The following GALNT14 variants were observed in gnomAD, a reference collection of about 807,000 sequenced individuals.
GALNT14 encodes UDP-GalNAc:polypeptide N-acetylgalactosaminyltransferase 14.
Under a neutral mutation model 77.5 loss-of-function variants are expected in GALNT14, and 60 were observed. That is an observed-to-expected ratio of 0.77 (90% confidence interval 0.63 to 0.96). GALNT14 has a LOEUF of 0.96. Ranked by LOEUF, GALNT14 falls within the 40% of genes least tolerant of loss-of-function variation. GALNT14 has a pLI of 0.00. For missense variants in GALNT14, 710 were observed against 731.0 expected, an observed-to-expected ratio of 0.97 and a Z score of 0.33; for synonymous variants, 280 against 281.7, an observed-to-expected ratio of 0.99 and a Z score of 0.06.
intron 1 of GALNT14, chr2:31,079,081 T>C: frequency 1.6e-6 from 2 of 1,238,582 alleles, no homozygotes; most frequent in Non-Finnish European, 2.1e-6. Context: ...AAAACATAAA[T>C]ACATGAAAAT....
intron 1 of GALNT14, among the ~76,000 whole-genome samples, chr2:31,027,437 A>AAG (rs1672137180): frequency 6.6e-6 from 1 of 152,028 alleles, no homozygotes. Flanking sequence ...CAAAAAAAAA[A>AAG]AAAAAAACAG....
At chr2:31,031,783 G>C (rs1672431100) in intron 1 of GALNT14, among the ~76,000 whole-genome samples, 1 of 152,126 alleles carries the variant, frequency 6.6e-6, no homozygotes, top group Non-Finnish European at 1.5e-5. Flanking sequence ...GCAGGATCTT[G>C]GCTACACATT....
At chr2:31,004,027 C>T (rs1268516798) in intron 1 of GALNT14, among the ~76,000 whole-genome samples, 2 of 152,222 alleles carry the variant, frequency 1.3e-5, no homozygotes, top group Non-Finnish European at 2.9e-5. Context: ...TCCCTTATGT[C>T]GATGGGCATC....
At chr2:31,076,003 G>A (rs1675756433) in intron 1 of GALNT14, among the ~76,000 whole-genome samples, 1 of 152,198 alleles carries the variant, frequency 6.6e-6, no homozygotes, top group African/African-American at 2.4e-5. Flanking sequence ...AACACTTCTA[G>A]ACTGAATGAA....
chr2:30,891,770 G>A, the GALNT14 span, among the ~76,000 whole-genome samples: 2 of 152,116 alleles, frequency 1.3e-5, no homozygotes, highest in African/African-American at 4.8e-5. Flanking sequence ...TATGAGAGAA[G>A]TCTCAGCCTC....
intron 2 of GALNT14, among the ~76,000 whole-genome samples, chr2:30,986,207 A>G (rs1669288691): frequency 6.6e-6 from 1 of 152,150 alleles, no homozygotes; most frequent in African/African-American, 2.4e-5. Context: ...GAATATGTGG[A>G]AGAAAACACA....
chr2:30,991,223 T>C (rs1031615935), intron 2 of GALNT14: 1 of 152,040 alleles, frequency 6.6e-6, no homozygotes, highest in Non-Finnish European at 1.5e-5. Flanking sequence ...CGCCAGCAAC[T>C]TTCCTGGCTA....
At chr2:31,076,264 T>C (rs1675778747) in intron 1 of GALNT14, among the ~76,000 whole-genome samples, 1 of 152,322 alleles carries the variant, frequency 6.6e-6, no homozygotes, top group South Asian at 2.1e-4. Flanking sequence ...TCAAGGTCTA[T>C]TCTATGACTC....
intron 3 of GALNT14, among the ~76,000 whole-genome samples, chr2:30,960,368 G>C (rs567284455): frequency 2.4e-4 from 36 of 152,308 alleles, no homozygotes; most frequent in Admixed American, 9.8e-4. Flanking sequence ...ATCCCTGCCA[G>C]CTCTTTGAAA....
intron 13 of GALNT14, among the ~76,000 whole-genome samples, chr2:30,919,114 G>C (rs888679534): frequency 6.6e-6 from 1 of 152,120 alleles, no homozygotes; most frequent in Admixed American, 6.5e-5. Flanking sequence ...CTTTAAATTG[G>C]GATGGAAACT....
chr2:31,057,293 T>G, intron 1 of GALNT14, among the ~76,000 whole-genome samples: 1 of 128,972 alleles, frequency 7.8e-6, no homozygotes, highest in South Asian at 2.6e-4. Flanking sequence ...AAAGTTGAAA[T>G]TATATATATA....
chr2:30,896,203 T>C, the GALNT14 span, among the ~76,000 whole-genome samples: 1 of 152,228 alleles, frequency 6.6e-6, no homozygotes, highest in Non-Finnish European at 1.5e-5. Context: ...TGACCCATGA[T>C]GAATGACTCT....
chr2:31,118,654 G>C (rs1678235511), intron 1 of GALNT14, among the ~76,000 whole-genome samples: 2 of 152,098 alleles, frequency 1.3e-5, no homozygotes, highest in Non-Finnish European at 2.9e-5. Context: ...AATCAAGAGA[G>C]TCCTTATACT....
intron 1 of GALNT14, among the ~76,000 whole-genome samples, chr2:31,023,986 T>A (rs900094563): frequency 6.6e-6 from 1 of 152,094 alleles, no homozygotes. Context: ...CTAAAATATA[T>A]CCTGAGTGTG....
chr2:30,903,735 T>C, the GALNT14 span, among the ~76,000 whole-genome samples: 1 of 152,236 alleles, frequency 6.6e-6, no homozygotes, highest in Non-Finnish European at 1.5e-5. Flanking sequence ...AAAAGCCATA[T>C]GGGAATAGAT....
chr2:31,035,585 GTATACA>G (rs1349562722), intron 1 of GALNT14, among the ~76,000 whole-genome samples: 25 of 134,820 alleles, frequency 1.9e-4, no homozygotes, highest in East Asian at 7.0e-4. Context: ...GTGTGTGTGT[GTATACA>G]TATACATATA....
intron 6 of GALNT14, among the ~76,000 whole-genome samples, chr2:30,951,053 A>AT (rs1270090519): frequency 1.3e-5 from 2 of 152,216 alleles, no homozygotes; most frequent in African/African-American, 4.8e-5. Context: ...GCCAGCAGCA[A>AT]TTCACATATA....
chr2:30,917,185 C>T (rs1209422912), intron 13 of GALNT14, among the ~76,000 whole-genome samples: 1 of 151,208 alleles, frequency 6.6e-6, no homozygotes, highest in Non-Finnish European at 1.5e-5. Context: ...CTCTGGTAGG[C>T]AAGAAACAAT....
intron 3 of GALNT14, among the ~76,000 whole-genome samples, chr2:30,960,646 C>G (rs574821791): frequency 5.3e-5 from 8 of 152,212 alleles, no homozygotes; most frequent in African/African-American, 1.9e-4. Flanking sequence ...GGCACGTGCT[C>G]TGGGTGGTCA....
Sources: gnomAD v4.1 joint callset for allele counts (sites outside exome capture counted in the v4.1 genomes callset) on GRCh38, gnomAD v4.1.1 for gene constraint, MANE v1.5 for transcripts, NCBI Gene and HGNC (gene_info 2026-07-23, HGNC 2026-07-21) for gene names.